MCC: variants seen among roughly 807,000 people sequenced by gnomAD.
MCC encodes colorectal mutant cancer protein.
In MCC, 90 loss-of-function variants were observed where a neutral mutation model predicts 116.2. The observed-to-expected ratio is 0.77, with a 90% CI of 0.65 to 0.92. The LOEUF (loss-of-function observed/expected upper bound fraction) is 0.92, where lower values mean the gene tolerates loss of function less well. MCC is among the 40% of genes least tolerant of loss of function. The pLI, the probability that MCC is intolerant of heterozygous loss-of-function variation, is 0.00. For synonymous variants in MCC, 578 were observed against 510.5 expected (o/e 1.13, Z -1.78); for missense variants, 1,516 against 1,312.2 (o/e 1.16, Z -2.40).
At position 113,269,159 on chromosome 5, in the gene MCC, T is replaced by G; in HGVS notation, c.627+71360A>C. 4.1e-6 allele frequency: 4 copies of G among 985,064 alleles called. No individual in the cohort carries two copies. The South Asian group carries it at 1.4e-4, about 35-fold the overall frequency. The allele number at this position is 985,064 out of a possible 1,614,324, so 61.0% of individuals were successfully genotyped here. A position where few individuals can be genotyped will look rare whatever the true frequency, so the allele number is the denominator to read the frequency against. ...CTGGAGGGAGACAAGGCAGAATAATTCTCTGCTTACCAAACCCATGGAACA... is the reference window on the plus strand; with the variant it reads ...CTGGAGGGAGACAAGGCAGAATAATGCTCTGCTTACCAAACCCATGGAACA... On this transcript the variant is annotated intron_variant, in intron 3 of 18. Transcript: ENST00000408903.
chr5:113,471,914 G>A (rs1352473462), intron 1 of MCC, among the ~76,000 whole-genome samples: 2 of 151,982 alleles, frequency 1.3e-5, no homozygotes, highest in Non-Finnish European at 2.9e-5. Context: ...ATCTCAGACT[G>A]CTGTGGTAGC....
intron 3 of MCC, among the ~76,000 whole-genome samples, chr5:113,260,453 A>G (rs1327818280): frequency 6.6e-6 from 1 of 152,180 alleles, no homozygotes; most frequent in African/African-American, 2.4e-5. Flanking sequence ...AAGTACATAA[A>G]GAAAAATCTG....
chr5:113,319,664 A>C (rs921249780), intron 3 of MCC, among the ~76,000 whole-genome samples: 5 of 152,246 alleles, frequency 3.3e-5, no homozygotes, highest in Admixed American at 2.0e-4. Flanking sequence ...TTTTATATAT[A>C]ACAAATATGA....
Position 113,023,424 on chromosome 5 carries a change from T to G in MCC, c.*3878A>C, listed in dbSNP as rs924902251. 6.6e-6 allele frequency: 1 copy of G among 152,206 alleles called. No individual in the cohort carries two copies. Among genetic ancestry groups the G allele is most frequent in the Non-Finnish European group, 1.5e-5 (1 of 68,044 alleles). 9.4% of individuals were successfully genotyped at this position (152,206 alleles called of 1,614,324 possible). ...TTGCTGTATGTTTTCCTGAAAAATT[T>G]TATAGTGTTCTACAAAGCCATCACC... is the stretch of plus-strand genomic sequence containing the variant. On this transcript the variant is annotated 3_prime_UTR_variant, in exon 19 of 19. Transcript: ENST00000408903.
chr5:113,399,273 C>T (rs904767108), intron 1 of MCC, among the ~76,000 whole-genome samples: 3 of 152,144 alleles, frequency 2.0e-5, no homozygotes, highest in Non-Finnish European at 2.9e-5. Context: ...ATCACGAGAT[C>T]AGGAGATTGA....
intron 14 of MCC, among the ~76,000 whole-genome samples, chr5:113,055,580 A>G (rs1398451972): frequency 1.3e-5 from 2 of 152,218 alleles, no homozygotes; most frequent in African/African-American, 4.8e-5. Flanking sequence ...TGAGCACTAG[A>G]AACCCTTTGG....
In MCC at chr5:113,260,311, C is replaced by G. The variant is rs537600017; in HGVS notation, c.627+80208G>C. On this transcript the variant is annotated intron_variant, in intron 3 of 18. Transcript: ENST00000408903. ...CCTAGATACTTTTTATGTATTTTTC[C>G]AAAAGAAAATTTACTAAGAATGGTA... 2.0e-5 allele frequency among the ~76,000 whole-genome samples: 3 copies of G among 151,874 alleles called. No individual in the cohort carries two copies. The East Asian group carries it at 5.8e-4, about 29-fold the overall frequency.
intron 1 of MCC, among the ~76,000 whole-genome samples, chr5:113,459,135 G>GTGTA (rs1222740329): frequency 5.7e-4 from 53 of 93,702 alleles, no homozygotes; most frequent in African/African-American, 2.5e-3. Context: ...GTAAGGATAT[G>GTGTA]TGTGTGTGTG....
intron 6 of MCC, 131 bp downstream of exon 6, chr5:113,122,553 C>T (rs529042545): frequency 4.2e-6 from 4 of 963,746 alleles, no homozygotes; most frequent in East Asian, 5.2e-5. Context: ...GACTGAAATA[C>T]ATGTGACTTC....
chr5:113,078,395 T>C (rs946518596), intron 11 of MCC, among the ~76,000 whole-genome samples: 8 of 152,228 alleles, frequency 5.3e-5, no homozygotes, highest in Admixed American at 2.6e-4. Context: ...TGAACATTGA[T>C]GCAAAGACCT....
chr5:113,147,587 A>G (rs570127713), intron 4 of MCC, among the ~76,000 whole-genome samples: 1 of 152,314 alleles, frequency 6.6e-6, no homozygotes, highest in East Asian at 1.9e-4. Flanking sequence ...AAATATGCTA[A>G]CAAGAGATGT....
At chr5:113,212,736 A>T (rs922085287) in intron 3 of MCC, among the ~76,000 whole-genome samples, 4 of 152,206 alleles carry the variant, frequency 2.6e-5, no homozygotes. Flanking sequence ...TAAATACAAC[A>T]CTGGGTAAGA....
intron 17 of MCC, among the ~76,000 whole-genome samples, chr5:113,034,026 A>T (rs938931748): frequency 6.6e-6 from 1 of 151,424 alleles, no homozygotes; most frequent in Non-Finnish European, 1.5e-5. Context: ...GGCTGGGACT[A>T]CAGGTGTGTG....
At chr5:113,321,363 G>A (rs772674583) in intron 3 of MCC, among the ~76,000 whole-genome samples, 1 of 152,038 alleles carries the variant, frequency 6.6e-6, no homozygotes, top group African/African-American at 2.4e-5. Context: ...TTTAGATCTT[G>A]GTTTCTGGAA....
At chr5:113,356,701 A>C (rs1768424006) in intron 2 of MCC, among the ~76,000 whole-genome samples, 2 of 152,162 alleles carry the variant, frequency 1.3e-5, no homozygotes, top group Admixed American at 1.3e-4. Context: ...AAGGCCTACA[A>C]TTACAGAGCT....
At chr5:113,122,584 G>T (rs976060906) in intron 6 of MCC, 100 bp downstream of exon 6, 3 of 1,426,936 alleles carry the variant, frequency 2.1e-6, no homozygotes, top group Non-Finnish European at 2.9e-6. Context: ...CAAACCCCTT[G>T]AAAAATTAAA....
At chr5:113,328,306 G>A (rs1328767345) in intron 3 of MCC, among the ~76,000 whole-genome samples, 3 of 152,170 alleles carry the variant, frequency 2.0e-5, no homozygotes, top group African/African-American at 4.8e-5. Flanking sequence ...AGGAATAATC[G>A]TAGGAACACA....
intron 2 of MCC, among the ~76,000 whole-genome samples, chr5:113,375,484 C>A (rs1415527380): frequency 4.6e-5 from 7 of 152,194 alleles, no homozygotes; most frequent in African/African-American, 2.4e-5. Context: ...AAAACAGCAA[C>A]AATTTACTGT....
chr5:113,061,682 T>G (rs1315335410), intron 14 of MCC, among the ~76,000 whole-genome samples: 1 of 152,220 alleles, frequency 6.6e-6, no homozygotes, highest in Non-Finnish European at 1.5e-5. Flanking sequence ...AGGAGCTGCC[T>G]ATGGGCTGCC....
Sources: gnomAD v4.1 joint callset for allele counts (sites outside exome capture counted in the v4.1 genomes callset) on GRCh38, gnomAD v4.1.1 for gene constraint, MANE v1.5 for transcripts, NCBI Gene and HGNC (gene_info 2026-07-23, HGNC 2026-07-21) for gene names.